The following GRM7 variants were observed in gnomAD, a reference collection of about 807,000 sequenced individuals.
GRM7 encodes the protein glutamate metabotropic receptor 7.
GRM7 carries 35 observed loss-of-function variants against 84.5 expected under a neutral mutation model. That is an observed-to-expected ratio of 0.41 (90% CI 0.32 to 0.55). The LOEUF is 0.55. Among genes scored for constraint, GRM7 ranks in the 20% least tolerant of loss-of-function variants. The pLI, the probability that GRM7 is intolerant of heterozygous loss-of-function variation, is 0.19. For synonymous variants in GRM7, 487 were observed against 455.1 expected (o/e 1.07, Z -0.89); for missense variants, 1,003 against 1,194.6 (o/e 0.84, Z 2.36).
intron 2 of GRM7, among the ~76,000 whole-genome samples, chr3:7,177,273 T>C (rs11131065): frequency 0.41 from 62,658 of 151,924 alleles, 14,687 homozygotes; most frequent in African/African-American, 0.65. Flanking sequence ...CTCCATGCAA[T>C]CAAGGCACAT....
At chr3:7,161,241 G>A (rs1694614417) in intron 2 of GRM7, among the ~76,000 whole-genome samples, 1 of 151,840 alleles carries the variant, frequency 6.6e-6, no homozygotes, top group Non-Finnish European at 1.5e-5. Context: ...CAACTCCAGT[G>A]TAGGTGTCCA....
chr3:7,147,480 C>A (rs371535355), intron 2 of GRM7, among the ~76,000 whole-genome samples: 2 of 152,132 alleles, frequency 1.3e-5, no homozygotes, highest in East Asian at 1.9e-4. Flanking sequence ...GCATTTCATG[C>A]AATTTAAAGT....
chr3:7,093,058 G>A (rs1346553302), intron 1 of GRM7, among the ~76,000 whole-genome samples: 1 of 152,072 alleles, frequency 6.6e-6, no homozygotes, highest in African/African-American at 2.4e-5. Context: ...ACAAGACCCT[G>A]TCTCAATTAA....
intron 2 of GRM7, among the ~76,000 whole-genome samples, chr3:7,247,263 C>T (rs1697799508): frequency 6.6e-6 from 1 of 151,928 alleles, no homozygotes; most frequent in Non-Finnish European, 1.5e-5. Context: ...ACACAAATAG[C>T]ACACAGTACA....
Position 7,725,110 on chromosome 3 carries a change from T to C in GRM7, c.2699-15247T>C, listed in dbSNP as rs571056428. Among the ~76,000 whole-genome samples the C allele has an allele frequency of 2.0e-5, 3 of 152,150 alleles. No individual in the cohort carries two copies. The East Asian group carries it at 5.8e-4, about 29-fold the overall frequency. ...GGGCAGACAAGAAAATACATTGAAATATAAACAAATTGGAACACTTCGAGA... is the reference window on the plus strand; with the variant it reads ...GGGCAGACAAGAAAATACATTGAAACATAAACAAATTGGAACACTTCGAGA... On this transcript the variant is annotated intron_variant, in intron 9 of 9. Coordinates refer to ENST00000357716, the MANE Select transcript of GRM7 (RefSeq NM_000844.4).
chr3:7,570,567 G>A (rs1694602208), intron 7 of GRM7, among the ~76,000 whole-genome samples: 1 of 152,176 alleles, frequency 6.6e-6, no homozygotes, highest in Non-Finnish European at 1.5e-5. Context: ...GGTTCCCATG[G>A]CCTTAGGCAG....
chr3:7,294,506 A>G (rs1488901345), intron 2 of GRM7, among the ~76,000 whole-genome samples: 1 of 152,056 alleles, frequency 6.6e-6, no homozygotes, highest in East Asian at 1.9e-4. Flanking sequence ...CTTTATAACA[A>G]AGCACAATAA....
chr3:7,120,722 T>G (rs1286453853), intron 1 of GRM7, among the ~76,000 whole-genome samples: 1 of 152,312 alleles, frequency 6.6e-6, no homozygotes, highest in Non-Finnish European at 1.5e-5. Context: ...CTTAAATTAC[T>G]TGGATAGAAA....
chr3:7,267,301 A>T (rs1386429468), intron 2 of GRM7, among the ~76,000 whole-genome samples: 1 of 152,252 alleles, frequency 6.6e-6, no homozygotes, highest in African/African-American at 2.4e-5. Context: ...ATATGTGAAC[A>T]AGGATCTCCA....
intron 1 of GRM7, among the ~76,000 whole-genome samples, chr3:7,052,227 C>A (rs1056035163): frequency 4.0e-5 from 6 of 151,662 alleles, no homozygotes; most frequent in African/African-American, 1.4e-4. Context: ...AGATTCCATG[C>A]TGGTAAAAAC....
chr3:7,625,924 CAG>C (rs1210806227), intron 8 of GRM7, among the ~76,000 whole-genome samples: 2 of 152,020 alleles, frequency 1.3e-5, no homozygotes, highest in Non-Finnish European at 2.9e-5. Context: ...AGAAAGGACT[CAG>C]AGTTAAAAGA....
chr3:7,391,663 C>G (rs189341401), intron 4 of GRM7, among the ~76,000 whole-genome samples: 1 of 151,610 alleles, frequency 6.6e-6, no homozygotes. Context: ...ACATATGTAA[C>G]AAACCTGCAC....
At chr3:7,459,040 A>G (rs1028589486) in intron 6 of GRM7, among the ~76,000 whole-genome samples, 3 of 152,154 alleles carry the variant, frequency 2.0e-5, no homozygotes, top group African/African-American at 7.2e-5. Context: ...TATACTGGAA[A>G]GACTTGTGTT....
chr3:7,204,369 A>G (rs774964220), intron 2 of GRM7, among the ~76,000 whole-genome samples: 5 of 152,226 alleles, frequency 3.3e-5, no homozygotes, highest in Non-Finnish European at 5.9e-5. Flanking sequence ...TTTCATGCCC[A>G]GAGCAAAAAT....
intron 7 of GRM7, among the ~76,000 whole-genome samples, chr3:7,574,246 G>A (rs527925578): frequency 3.4e-5 from 5 of 149,066 alleles, no homozygotes; most frequent in African/African-American, 9.9e-5. Context: ...TGCAATCTCC[G>A]CCTCCCGGGT....
intron 1 of GRM7, among the ~76,000 whole-genome samples, chr3:7,080,496 TTA>T (rs762391681): frequency 3.9e-5 from 6 of 152,046 alleles, no homozygotes; most frequent in Non-Finnish European, 8.8e-5. Flanking sequence ...GCATATTTTC[TTA>T]TATGTTTCAT....
intron 9 of GRM7, among the ~76,000 whole-genome samples, chr3:7,695,230 C>T (rs1022913545): frequency 6.6e-5 from 10 of 152,166 alleles, no homozygotes; most frequent in Non-Finnish European, 1.3e-4. Flanking sequence ...AAGTTAATTG[C>T]TGAGCTCTGT....
intron 7 of GRM7, among the ~76,000 whole-genome samples, chr3:7,485,349 T>G (rs1699281388): frequency 6.6e-6 from 1 of 152,166 alleles, no homozygotes; most frequent in South Asian, 2.1e-4. Flanking sequence ...AAATGTTCCT[T>G]AAGGAGTTTC....
intron 1 of GRM7, among the ~76,000 whole-genome samples, chr3:6,876,211 T>C (rs1574955879): frequency 6.6e-6 from 1 of 151,436 alleles, no homozygotes; most frequent in Non-Finnish European, 1.5e-5. Flanking sequence ...GCGGTAGCAA[T>C]GAGCCGAGAT....
Sources: allele counts gnomAD v4.1 joint callset (sites outside exome capture counted in the v4.1 genomes callset), GRCh38; gene constraint gnomAD v4.1.1; transcripts MANE v1.5; gene names NCBI Gene and HGNC (gene_info 2026-07-23, HGNC 2026-07-21).